The following AXDND1 variants were observed in gnomAD, a reference collection of about 807,000 sequenced individuals.
AXDND1 encodes axonemal dynein light chain domain containing 1.
Under a neutral mutation model 137.5 loss-of-function variants are expected in AXDND1, and 110 were observed. The ratio of observed to expected loss-of-function variants is 0.80; its 90% CI spans 0.69 to 0.94. The LOEUF (loss-of-function observed/expected upper bound fraction) is 0.94. Among genes scored for constraint, AXDND1 ranks in the 40% least tolerant of loss-of-function variants. The pLI is 0.00. For missense variants in AXDND1, 1,191 were observed against 1,169.8 expected, an observed-to-expected ratio of 1.02 and a Z score of -0.26; for synonymous variants, 414 against 399.7, an observed-to-expected ratio of 1.04 and a Z score of -0.43.
intron 9 of AXDND1, among the ~76,000 whole-genome samples, chr1:179,389,333 T>G (rs1558107807): frequency 6.6e-6 from 1 of 152,228 alleles, no homozygotes; most frequent in Non-Finnish European, 1.5e-5. Flanking sequence ...TAAAATCTGC[T>G]ATTGGTTATT....
chr1:179,416,603 G>A (rs1036288424), intron 12 of AXDND1, among the ~76,000 whole-genome samples: 1 of 152,148 alleles, frequency 6.6e-6, no homozygotes, highest in African/African-American at 2.4e-5. Flanking sequence ...CTTCTGATTA[G>A]CCCCAGTCAA....
chr1:179,442,745 A>G (rs530124158), intron 15 of AXDND1, among the ~76,000 whole-genome samples: 30 of 152,186 alleles, frequency 2.0e-4, no homozygotes, highest in African/African-American at 7.2e-4. Context: ...TGCCTTGTCA[A>G]TTTTAGTTCC....
At chr1:179,550,059 A>G (rs1673052799) in intron 25 of AXDND1, among the ~76,000 whole-genome samples, 1 of 152,166 alleles carries the variant, frequency 6.6e-6, no homozygotes, top group Non-Finnish European at 1.5e-5. Flanking sequence ...TTTGGATTCC[A>G]CATTTGGATT....
intron 15 of AXDND1, among the ~76,000 whole-genome samples, chr1:179,440,203 A>C (rs1247482994): frequency 1.3e-5 from 2 of 152,200 alleles, no homozygotes; most frequent in Non-Finnish European, 2.9e-5. Flanking sequence ...GATTATAAGG[A>C]ATTCCTATTT....
intron 12 of AXDND1, among the ~76,000 whole-genome samples, chr1:179,418,966 C>G (rs1195492684): frequency 6.6e-6 from 1 of 151,930 alleles, no homozygotes; most frequent in Admixed American, 6.6e-5. Context: ...AGGCGCTCCT[C>G]ACATCCCAGA....
chr1:179,395,907 G>A (rs761927332), intron 11 of AXDND1, among the ~76,000 whole-genome samples: 37 of 152,194 alleles, frequency 2.4e-4, no homozygotes, highest in Non-Finnish European at 5.1e-4. Context: ...GGTGGTTCAC[G>A]CCTGTAATCC....
chr1:179,552,201 A>G, intron 25 of AXDND1: 1 of 248,634 alleles, frequency 4.0e-6, no homozygotes, highest in South Asian at 5.8e-5. Context: ...CTGGGCCCTG[A>G]TCGTGGTTGT....
intron 19 of AXDND1, 96 bp from the exon 20 acceptor site, chr1:179,492,759 A>C (rs72704429): frequency 0.072 from 55,371 of 773,482 alleles, 2,554 homozygotes; most frequent in African/African-American, 0.18. Context: ...TGGATTTTTA[A>C]AATTTTAAAC....
Position 179,408,383 on chromosome 1 carries a change from C to CTTTT in AXDND1, c.1110-2754_1110-2751dup, listed in dbSNP as rs998752586. ...TTTTTTTCCAATTTTATGAAAAATT[C>CTTTT]TTTTTTTTTTTTGAGACAAAATCTC... On this transcript the variant is annotated intron_variant, in intron 11 of 25. Transcript: ENST00000367618. Among the ~76,000 whole-genome samples, 908 of 144,702 alleles carry CTTTT rather than the reference C, an allele frequency of 6.3e-3. 5 individuals carry two copies. The highest frequency in any genetic ancestry group is 0.022 in the African/African-American group (867 of 39,676). 94.9% of individuals were successfully genotyped at this position (144,702 alleles called of 152,430 possible).
chr1:179,482,896 T>C (rs1665593773), intron 17 of AXDND1, among the ~76,000 whole-genome samples: 1 of 151,182 alleles, frequency 6.6e-6, no homozygotes, highest in Admixed American at 6.6e-5. Flanking sequence ...TAAGATCTGC[T>C]TTGTCCAAAG....
At chr1:179,460,640 G>A (rs1057497895) in intron 16 of AXDND1, among the ~76,000 whole-genome samples, 3 of 152,104 alleles carry the variant, frequency 2.0e-5, no homozygotes, top group Non-Finnish European at 4.4e-5. Context: ...CTTCCACAAC[G>A]GTTGAACTAG....
chr1:179,403,527 A>G (rs892755453), intron 11 of AXDND1, among the ~76,000 whole-genome samples: 3 of 152,230 alleles, frequency 2.0e-5, no homozygotes, highest in Non-Finnish European at 4.4e-5. Flanking sequence ...ACTGCAATAC[A>G]CAATTGACTG....
chr1:179,384,482 A>G (rs1257916262), intron 8 of AXDND1, among the ~76,000 whole-genome samples: 1 of 152,188 alleles, frequency 6.6e-6, no homozygotes, highest in African/African-American at 2.4e-5. Context: ...GGCTTTTAAA[A>G]ATAGCTATTT....
intron 24 of AXDND1, 160 bp from the exon 25 acceptor site, chr1:179,534,570 G>C: frequency 1.2e-6 from 1 of 829,600 alleles, no homozygotes; most frequent in Non-Finnish European, 1.7e-6. Flanking sequence ...GTCGCTCCTG[G>C]GCCCCCAGTT....
At chr1:179,388,612 C>G (rs1649590548) in intron 9 of AXDND1, among the ~76,000 whole-genome samples, 1 of 150,850 alleles carries the variant, frequency 6.6e-6, no homozygotes, top group South Asian at 2.1e-4. Context: ...TTTTTTGAGA[C>G]AGGATCTCGC....
Position 179,554,712 on chromosome 1 carries a change from C to A in AXDND1, c.*193C>A. 1.3e-6 allele frequency: 1 copy of A among 752,568 alleles called. No individual in the cohort carries two copies. Among genetic ancestry groups the A allele is most frequent in the Non-Finnish European group, 2.3e-6 (1 of 439,436 alleles). 46.6% of individuals were successfully genotyped at this position (752,568 alleles called of 1,614,324 possible). ...AGTTGTTTAACTTGCATGGTGCCAC[C>A]CAATAAATATCTGTGCAATTGAAGA... On this transcript the variant is annotated 3_prime_UTR_variant, in exon 26 of 26. Transcript: ENST00000367618.
Position 179,429,544 on chromosome 1 carries a change from G to A in AXDND1, c.1257G>A (p.Leu419=). 1 of 1,562,840 alleles carries A rather than the reference G, an allele frequency of 6.4e-7. No homozygotes were observed. The highest frequency in any genetic ancestry group is 8.6e-7 in the Non-Finnish European group (1 of 1,156,634). ...TGATTGAAAGAAATAGAGTCATATT[G>A]GCTAGAAGACTTTACCTTAATGAAA... ...LKVIERNRVI[L]ARRLYLNEKG... Residue 419 remains leucine, a synonymous_variant, in exon 13 of 26, where the codon TTG becomes TTA. Coordinates refer to ENST00000367618, the MANE Select transcript of AXDND1 (RefSeq NM_144696.6).
chr1:179,506,347 G>A (rs1413190551), intron 20 of AXDND1, among the ~76,000 whole-genome samples: 1 of 152,170 alleles, frequency 6.6e-6, no homozygotes, highest in African/African-American at 2.4e-5. Context: ...GAGAATATAT[G>A]GGAGGGAAAT....
intron 4 of AXDND1, 58 bp from the exon 5 acceptor site, chr1:179,378,579 G>A (rs1156334622): frequency 1.5e-6 from 2 of 1,371,102 alleles, no homozygotes; most frequent in East Asian, 2.7e-5. Flanking sequence ...CTCACCTGCT[G>A]TTATGTGGTA....
Sources: allele counts gnomAD v4.1 joint callset (sites outside exome capture counted in the v4.1 genomes callset), GRCh38; gene constraint gnomAD v4.1.1; transcripts MANE v1.5; gene names NCBI Gene and HGNC (gene_info 2026-07-23, HGNC 2026-07-21).